Variants in TDRD5 observed in about 807,000 individuals in gnomAD.
The protein encoded by TDRD5 is tudor domain-containing protein 5.
TDRD5 carries 41 observed loss-of-function variants against 120.6 expected under a neutral mutation model. The observed-to-expected ratio is 0.34, with a 90% confidence interval of 0.26 to 0.44. The LOEUF is 0.44. Among genes scored for constraint, TDRD5 ranks in the 20% least tolerant of loss-of-function variants. The pLI, the probability that TDRD5 is intolerant of heterozygous loss-of-function variation, is 1.00. For synonymous variants in TDRD5, 430 were observed against 433.7 expected, an observed-to-expected ratio of 0.99 and a Z score of 0.11; for missense variants, 1,006 against 1,221.2, an observed-to-expected ratio of 0.82 and a Z score of 2.63.
chr1:179,592,372 G>T lies in TDRD5; in HGVS notation c.-14-230G>T, dbSNP rs574023415. 1.2e-3 allele frequency: 538 copies of T among 459,514 alleles called. 4 individuals are homozygous for T. The highest frequency in any genetic ancestry group is 9.7e-3 in the African/African-American group (494 of 50,838). The allele number at this position is 459,514 out of a possible 1,614,324, so 28.5% of individuals were successfully genotyped here. On this transcript the variant is annotated intron_variant, in intron 1 of 17. Coordinates refer to ENST00000444136, the MANE Select transcript of TDRD5 (RefSeq NM_001199085.3). ...GACAGGAACCCCAGTTAACGCCTCCGCATGGCCAGGGGCAGAGTTCTTGAC... is the reference window on the plus strand; with the variant it reads ...GACAGGAACCCCAGTTAACGCCTCCTCATGGCCAGGGGCAGAGTTCTTGAC...
At chr1:179,687,846 T>C (rs1338202997) in intron 17 of TDRD5, among the ~76,000 whole-genome samples, 1 of 151,038 alleles carries the variant, frequency 6.6e-6, no homozygotes, top group South Asian at 2.1e-4. Context: ...GTCTGTTTTA[T>C]CAGAGACTAG....
intron 4 of TDRD5, among the ~76,000 whole-genome samples, chr1:179,615,554 A>T (rs1451670415): frequency 1.3e-5 from 2 of 152,088 alleles, no homozygotes; most frequent in Non-Finnish European, 2.9e-5. Flanking sequence ...GTTCTATCTC[A>T]TTCGCTTGGT....
intron 4 of TDRD5, among the ~76,000 whole-genome samples, chr1:179,608,244 G>GTA: frequency 6.6e-6 from 1 of 151,456 alleles, no homozygotes; most frequent in East Asian, 1.9e-4. Context: ...TTTGATTGTA[G>GTA]TATCCCTTGT....
At chr1:179,610,275 C>T (rs1676211960) in intron 4 of TDRD5, among the ~76,000 whole-genome samples, 1 of 152,044 alleles carries the variant, frequency 6.6e-6, no homozygotes, top group South Asian at 2.1e-4. Flanking sequence ...AGTAATTTTC[C>T]TATTTTTAGA....
chr1:179,683,366 T>C (rs973883113), intron 17 of TDRD5, among the ~76,000 whole-genome samples: 10 of 152,202 alleles, frequency 6.6e-5, no homozygotes, highest in African/African-American at 2.4e-4. Context: ...TACTCTTAAA[T>C]CTTTGGTCAC....
chr1:179,647,826 G>A (rs1214232438), intron 11 of TDRD5, among the ~76,000 whole-genome samples: 3 of 144,856 alleles, frequency 2.1e-5, no homozygotes, highest in South Asian at 2.3e-4. Flanking sequence ...CATTTATGCA[G>A]CCAAAAAACA....
At chr1:179,618,534 G>A in intron 4 of TDRD5, 65 bp from the exon 5 acceptor site, 1 of 1,232,330 alleles carries the variant, frequency 8.1e-7, no homozygotes, top group Non-Finnish European at 1.1e-6. Context: ...ATATTGCTTA[G>A]ATCTACCTTT....
chr1:179,643,198 A>G (rs887866812), intron 11 of TDRD5, among the ~76,000 whole-genome samples: 1 of 152,224 alleles, frequency 6.6e-6, no homozygotes, highest in East Asian at 1.9e-4. Context: ...GAGACAGTTT[A>G]GAGTTTGGAT....
Position 179,597,022 on chromosome 1 carries a change from G to T in TDRD5, c.831+1204G>T, listed in dbSNP as rs537710026. ...AGTGGGTGTGTAGTGCTATCTCATGGTTTTAAGTTGGATCATAATAATCTA... is the reference window on the plus strand; with the variant it reads ...AGTGGGTGTGTAGTGCTATCTCATGTTTTTAAGTTGGATCATAATAATCTA... On this transcript the variant is annotated intron_variant, in intron 4 of 17. Transcript: ENST00000444136. Among the ~76,000 whole-genome samples the T allele has an allele frequency of 2.2e-3, 337 of 152,254 alleles. 2 individuals carry two copies. The highest frequency in any genetic ancestry group is 2.4e-3 in the Non-Finnish European group (162 of 68,006).
intron 6 of TDRD5, among the ~76,000 whole-genome samples, chr1:179,626,046 A>G (rs971938105): frequency 9.3e-5 from 14 of 151,288 alleles, no homozygotes; most frequent in Admixed American, 3.9e-4. Context: ...GGGGAACATC[A>G]CACTCTGGGG....
intron 14 of TDRD5, among the ~76,000 whole-genome samples, chr1:179,660,293 C>T (rs1679241210): frequency 7.1e-6 from 1 of 141,760 alleles, no homozygotes. Context: ...AATCTCGGCT[C>T]ACTGCAAGCT....
chr1:179,619,193 C>T (rs1011095720), intron 5 of TDRD5, among the ~76,000 whole-genome samples: 2 of 152,148 alleles, frequency 1.3e-5, no homozygotes, highest in African/African-American at 4.8e-5. Flanking sequence ...CTAAATTGCC[C>T]TCTAAAATGC....
At chr1:179,640,169 T>TC (rs1400861240) in intron 10 of TDRD5, 118 bp downstream of exon 10, 2 of 1,180,816 alleles carry the variant, frequency 1.7e-6, no homozygotes, top group Non-Finnish European at 2.4e-6. Flanking sequence ...CTTCCTTCCT[T>TC]CTTCTTAGTG....
chr1:179,689,141 A>C (rs1051582731), intron 17 of TDRD5, among the ~76,000 whole-genome samples: 2 of 151,964 alleles, frequency 1.3e-5, no homozygotes, highest in African/African-American at 4.8e-5. Context: ...GATTTTTAGA[A>C]TTTTCAGCTT....
chr1:179,626,421 A>G (rs914686795), intron 6 of TDRD5, among the ~76,000 whole-genome samples: 9 of 152,144 alleles, frequency 5.9e-5, no homozygotes, highest in Non-Finnish European at 1.2e-4. Flanking sequence ...GAACTTGCTG[A>G]GGTAATGGAA....
At chr1:179,602,066 A>G (rs1257701871) in intron 4 of TDRD5, among the ~76,000 whole-genome samples, 1 of 152,220 alleles carries the variant, frequency 6.6e-6, no homozygotes, top group African/African-American at 2.4e-5. Context: ...TCGGCCTCCC[A>G]AAGTGCTGGG....
At chr1:179,663,236 A>T in intron 15 of TDRD5, 112 bp from the exon 16 acceptor site, 4 of 1,258,828 alleles carry the variant, frequency 3.2e-6, no homozygotes, top group Non-Finnish European at 4.3e-6. Context: ...GTTAATAAAT[A>T]CCTTTTTTAA....
intron 6 of TDRD5, among the ~76,000 whole-genome samples, chr1:179,623,792 C>T (rs1676973578): frequency 7.0e-6 from 1 of 143,220 alleles, no homozygotes; most frequent in African/African-American, 2.5e-5. Flanking sequence ...TGGTGCCATG[C>T]CCAGCCAATT....
chr1:179,673,899 T>C (rs1325229084), intron 17 of TDRD5, among the ~76,000 whole-genome samples: 1 of 152,212 alleles, frequency 6.6e-6, no homozygotes, highest in African/African-American at 2.4e-5. Flanking sequence ...TACATTAATT[T>C]TGTATCCTGA....
Sources: gnomAD v4.1 joint callset for allele counts (sites outside exome capture counted in the v4.1 genomes callset) on GRCh38, gnomAD v4.1.1 for gene constraint, MANE v1.5 for transcripts, NCBI Gene and HGNC (gene_info 2026-07-23, HGNC 2026-07-21) for gene names.